IGSF21: variants seen among roughly 807,000 people sequenced by gnomAD.
IGSF21 encodes the protein immunoglobulin superfamily member 21.
A neutral mutation model predicts 46.8 loss-of-function variants in IGSF21; 28 were observed. That is an observed-to-expected ratio of 0.60 (90% CI 0.44 to 0.82). The LOEUF is 0.82. Among genes scored for constraint, IGSF21 ranks in the 40% least tolerant of loss-of-function variants. The probability of loss-of-function intolerance (pLI) is 0.00; values close to 1 mark genes in which losing one functional copy is unlikely to be tolerated. For synonymous variants in IGSF21, 284 were observed against 273.6 expected (o/e 1.04, Z -0.38); for missense variants, 624 against 665.5 (o/e 0.94, Z 0.69).
intron 2 of IGSF21, among the ~76,000 whole-genome samples, chr1:18,247,997 T>C (rs975422334): frequency 6.6e-6 from 1 of 152,160 alleles, no homozygotes; most frequent in Non-Finnish European, 1.5e-5. Context: ...AATAGAGCCA[T>C]TAGCTATAGG....
At chr1:18,325,403 A>G (rs995633851) in intron 3 of IGSF21, among the ~76,000 whole-genome samples, 9 of 152,046 alleles carry the variant, frequency 5.9e-5, no homozygotes, top group Admixed American at 1.3e-4. Context: ...AGATGGATGG[A>G]CTGAGGGGGA....
intron 1 of IGSF21, among the ~76,000 whole-genome samples, chr1:18,128,219 A>G (rs758576801): frequency 1.3e-5 from 2 of 152,220 alleles, no homozygotes; most frequent in Non-Finnish European, 2.9e-5. Flanking sequence ...AAGAATAAAC[A>G]TATGGATAAA....
intron 3 of IGSF21, among the ~76,000 whole-genome samples, chr1:18,297,319 C>A (rs1053479846): frequency 6.6e-6 from 1 of 152,174 alleles, no homozygotes; most frequent in African/African-American, 2.4e-5. Flanking sequence ...ATGAACAAGA[C>A]ACCTTAGGAA....
intron 1 of IGSF21, among the ~76,000 whole-genome samples, chr1:18,154,228 C>G (rs1488684341): frequency 6.6e-6 from 1 of 152,178 alleles, no homozygotes; most frequent in Non-Finnish European, 1.5e-5. Flanking sequence ...CTGCATTTGC[C>G]TCTCTGCCTG....
At chr1:18,277,169 G>A (rs926035905) in intron 2 of IGSF21, among the ~76,000 whole-genome samples, 13 of 152,124 alleles carry the variant, frequency 8.5e-5, no homozygotes, top group African/African-American at 3.1e-4. Context: ...CCCCTGCATC[G>A]TGCAGGACAA....
intron 1 of IGSF21, among the ~76,000 whole-genome samples, chr1:18,121,864 C>G (rs1291621544): frequency 6.6e-6 from 1 of 152,224 alleles, no homozygotes; most frequent in Non-Finnish European, 1.5e-5. Context: ...ATGTACCCGA[C>G]TGTCCAAATT....
intron 5 of IGSF21, among the ~76,000 whole-genome samples, chr1:18,364,874 G>T (rs1048590484): frequency 9.9e-5 from 15 of 152,156 alleles, no homozygotes; most frequent in African/African-American, 2.9e-4. Flanking sequence ...GTAGGCCGAA[G>T]TCCCCATTTC....
At position 18,291,609 on chromosome 1, in the gene IGSF21, C is replaced by G. The variant is rs560669101; in HGVS notation, c.184-257C>G. On this transcript the variant is annotated intron_variant, in intron 2 of 9. Coordinates refer to ENST00000251296, the MANE Select transcript of IGSF21 (RefSeq NM_032880.5). ...AAGCTTCCCCTGAGCGCACACTGCT[C>G]TTTCCTGCCGCAGGGCCTTTGCTGT... Among the ~76,000 whole-genome samples the G allele has an allele frequency of 8.8e-4, 134 of 152,328 alleles. 1 individual carries two copies. The highest frequency in any genetic ancestry group is 1.2e-3 in the Admixed American group (18 of 15,302).
At chr1:18,341,020 C>CTTCTTCTTCTTA in intron 4 of IGSF21, among the ~76,000 whole-genome samples, 1 of 96,090 alleles carries the variant, frequency 1.0e-5, no homozygotes, top group Non-Finnish European at 2.1e-5. Flanking sequence ...TTCTCTTCTT[C>CTTCTTCTTCTTA]TTCTTCTTCT....
chr1:18,373,736 C>T (rs1332683911), intron 6 of IGSF21, among the ~76,000 whole-genome samples: 2 of 152,174 alleles, frequency 1.3e-5, no homozygotes, highest in African/African-American at 4.8e-5. Flanking sequence ...TGTGCTATCA[C>T]GTCTTGTTAC....
chr1:18,209,003 C>T (rs533374844), intron 1 of IGSF21, among the ~76,000 whole-genome samples: 2 of 152,172 alleles, frequency 1.3e-5, no homozygotes, highest in South Asian at 2.1e-4. Flanking sequence ...TAGAAGTTAT[C>T]GTGGGGGTGA....
chr1:18,177,542 T>C (rs184361319), intron 1 of IGSF21, among the ~76,000 whole-genome samples: 1 of 152,268 alleles, frequency 6.6e-6, no homozygotes, highest in Non-Finnish European at 1.5e-5. Flanking sequence ...GATTTTTTTT[T>C]CTGCAGTTGA....
intron 1 of IGSF21, among the ~76,000 whole-genome samples, chr1:18,140,607 C>T (rs2086406977): frequency 1.3e-5 from 2 of 152,206 alleles, no homozygotes; most frequent in African/African-American, 2.4e-5. Flanking sequence ...TTCACAGTCG[C>T]GTGTCTGCTC....
chr1:18,283,880 G>C (rs913826139), intron 2 of IGSF21, among the ~76,000 whole-genome samples: 1 of 152,018 alleles, frequency 6.6e-6, no homozygotes, highest in Non-Finnish European at 1.5e-5. Flanking sequence ...GCATCCAAAA[G>C]AAAAAATGAT....
At chr1:18,318,978 A>G (rs223211) in intron 3 of IGSF21, among the ~76,000 whole-genome samples, 138,573 of 152,234 alleles carry the variant, frequency 0.91, 63,181 homozygotes, top group East Asian at 0.99. Flanking sequence ...TTCCCTCACC[A>G]TCCACACCAC....
At chr1:18,268,277 G>C (rs1450773908) in intron 2 of IGSF21, among the ~76,000 whole-genome samples, 1 of 152,260 alleles carries the variant, frequency 6.6e-6, no homozygotes, top group African/African-American at 2.4e-5. Context: ...GTTAGTAGCA[G>C]AGCCAGCTCT....
At chr1:18,193,130 A>G (rs1254708532) in intron 1 of IGSF21, among the ~76,000 whole-genome samples, 1 of 152,060 alleles carries the variant, frequency 6.6e-6, no homozygotes, top group East Asian at 1.9e-4. Flanking sequence ...CTTTTGAGGA[A>G]GGGCATTTGA....
intron 1 of IGSF21, among the ~76,000 whole-genome samples, chr1:18,145,585 C>G (rs745831748): frequency 5.3e-5 from 8 of 152,022 alleles, no homozygotes; most frequent in Non-Finnish European, 8.8e-5. Context: ...ACCGAGGACA[C>G]GAAGCACACA....
chr1:18,359,461 AGG>A lies in IGSF21; in HGVS notation c.425-2652_425-2651del, dbSNP rs1491376697. 1.9e-3 allele frequency among the ~76,000 whole-genome samples: 242 copies of A among 124,390 alleles called. 3 individuals carry two copies. Among genetic ancestry groups the A allele is most frequent in the South Asian group, 7.5e-3 (26 of 3,472 alleles). The allele number at this position is 124,390 out of a possible 152,430, so 81.6% of individuals were successfully genotyped here. A position where few individuals can be genotyped will look rare whatever the true frequency, so the allele number is the denominator to read the frequency against. ...AAGGAAAAGAGAAAGAAAGAAAGAA[AGG>A]GAAGGAAGGAAGGAAGGAAGGAAGG... On this transcript the variant is annotated intron_variant, in intron 4 of 9. Coordinates refer to ENST00000251296, the MANE Select transcript of IGSF21 (RefSeq NM_032880.5).
Sources: gnomAD v4.1 joint callset for allele counts (sites outside exome capture counted in the v4.1 genomes callset) on GRCh38, gnomAD v4.1.1 for gene constraint, MANE v1.5 for transcripts, NCBI Gene and HGNC (gene_info 2026-07-23, HGNC 2026-07-21) for gene names.